HHATL: variants seen among roughly 807,000 people sequenced by gnomAD.
The protein encoded by HHATL is hedgehog acyltransferase like.
Under a neutral mutation model 59.7 loss-of-function variants are expected in HHATL, and 49 were observed. That is an observed-to-expected ratio of 0.82 (90% confidence interval 0.65 to 1.04). HHATL has a LOEUF of 1.04. Among genes scored for constraint, HHATL ranks in the 50% least tolerant of loss-of-function variants. HHATL has a pLI of 0.00. For missense variants in HHATL, 605 were observed against 650.8 expected (o/e 0.93, Z 0.77); for synonymous variants, 238 against 257.3 (o/e 0.93, Z 0.72).
rs1386828853 is a variant in HHATL, at chr3:42,692,853, G to A, written c.1413C>T (p.Ser471=). The change falls in exon 12 of 12, where the codon TCC becomes TCT. Residue 471 remains serine, a synonymous_variant. Transcript: ENST00000441594. ...CGCCACAGTAGGTGACAAACAGGAT[G>A]GACAGCGTGGTCTGGGGGAACCCTG... ...LLTGFPQTTL[S]ILFVTYCGVQ... is the part of the protein sequence containing the mutation. 2 of 1,614,190 alleles carry A rather than the reference G, an allele frequency of 1.2e-6. No homozygotes were observed. Among genetic ancestry groups the A allele is most frequent in the Non-Finnish European group, 8.5e-7 (1 of 1,180,016 alleles).
chr3:42,697,601 T>C lies in HHATL; in HGVS notation c.772A>G (p.Ile258Val), dbSNP rs762988939. Residue 258 changes from isoleucine to valine, a missense_variant, in exon 7 of 12, where the codon ATC (isoleucine) becomes GTC (valine). Physicochemically the swap from Ile to Val is conservative, Grantham distance 29 (BLOSUM62 3). Transcript: ENST00000441594. ...TGAAAGAAGATGTCGACGGCCATGA[T>C]GGCCACCACGCTTAGGCCTGCCTGG... ...RAQAGLSVVA[I>V]MAVDIFFHFF... The C allele has an allele frequency of 1.2e-6, 2 of 1,614,140 alleles. No individual in the cohort carries two copies. Among genetic ancestry groups the C allele is most frequent in the Admixed American group, 1.7e-5 (1 of 60,020 alleles).
At chr3:42,699,892 C>T in intron 2 of HHATL, 67 bp from the exon 3 acceptor site, 1 of 1,355,846 alleles carries the variant, frequency 7.4e-7, no homozygotes, top group Non-Finnish European at 1.0e-6. Flanking sequence ...CCCCCGTGGA[C>T]AAGGCTGCCC....
chr3:42,698,909 G>A lies in HHATL; in HGVS notation c.289-7C>T, dbSNP rs778385970. 14 of 1,604,430 alleles carry A rather than the reference G, an allele frequency of 8.7e-6. No individual in the cohort carries two copies. Among genetic ancestry groups the A allele is most frequent in the Non-Finnish European group, 1.2e-5 (14 of 1,174,248 alleles). On this transcript the variant is annotated splice_region_variant and splice_polypyrimidine_tract_variant and intron_variant, in intron 4 of 11. Transcript: ENST00000441594. ...CATACATCCAGGAGCGGAGCTGTGG[G>A]CAGGGAGAAGGCTTCAGTTTCGCCA...
At chr3:42,699,659 A>C in intron 3 of HHATL, 99 bp downstream of exon 3, 1 of 1,024,440 alleles carries the variant, frequency 9.8e-7, no homozygotes, top group Non-Finnish European at 1.5e-6. Context: ...CAGAGGCCCC[A>C]GAGCTGTGAG....
chr3:42,699,737 C>A, intron 3 of HHATL, 21 bp downstream of exon 3: 1 of 1,568,668 alleles, frequency 6.4e-7, no homozygotes, highest in South Asian at 1.2e-5. Flanking sequence ...TGGGAGGGAC[C>A]CTGGGATGTG....
intron 5 of HHATL, 52 bp downstream of exon 5, chr3:42,698,656 G>C: frequency 6.6e-7 from 1 of 1,505,472 alleles, no homozygotes; most frequent in Non-Finnish European, 8.9e-7. Context: ...TGGATGAAGT[G>C]AGAGGTTTGG....
rs1052695693 is a variant in HHATL at position 42,698,779 on chromosome 3, G to C, written c.412C>G (p.Pro138Ala). 7.4e-6 allele frequency: 12 copies of C among 1,612,404 alleles called. No homozygotes were observed. The highest frequency in any genetic ancestry group is 3.4e-5 in the Admixed American group (2 of 59,634). ...AAGCCAAGGCCAAGACAGAGCCAGG[G>C]CTGGCCCAAAAGCGAGGCCACATAG... ...GLYVASLLGQ[P>A]WLCLGLGLAS... The change falls in exon 5 of 12, where the codon CCC (proline) becomes GCC (alanine). Residue 138 changes from proline (P) to alanine (A), a missense_variant. By Grantham distance (27) the Pro-to-Ala change is conservative. Transcript: ENST00000441594.
chr3:42,695,292 C>T (rs560675325), intron 9 of HHATL, among the ~76,000 whole-genome samples: 32 of 152,316 alleles, frequency 2.1e-4, no homozygotes, highest in African/African-American at 5.8e-4. Context: ...CCTTCACCAC[C>T]GTCCTTAGCA....
At chr3:42,694,645 A>C (rs1407376388) in intron 9 of HHATL, among the ~76,000 whole-genome samples, 1 of 152,134 alleles carries the variant, frequency 6.6e-6, no homozygotes, top group Non-Finnish European at 1.5e-5. Context: ...CCCCCAGTTC[A>C]TCATGCTGGC....
intron 6 of HHATL, 130 bp downstream of exon 6, chr3:42,698,012 C>CG: frequency 1.0e-6 from 1 of 995,030 alleles, no homozygotes; most frequent in Non-Finnish European, 1.5e-6. Flanking sequence ...AGGGGAGACA[C>CG]GGCTTCATCC....
chr3:42,696,337 G>A (rs952395949), intron 9 of HHATL, among the ~76,000 whole-genome samples: 1 of 151,944 alleles, frequency 6.6e-6, no homozygotes, highest in Admixed American at 6.6e-5. Context: ...TCCCTCTCCT[G>A]AGGACTTACC....
At position 42,701,363 on chromosome 3, in the gene HHATL, C is replaced by G. The variant is rs1160275332; in HGVS notation, c.-13-524G>C. On this transcript the variant is annotated intron_variant, in intron 1 of 11. Coordinates refer to ENST00000441594, the MANE Select transcript of HHATL (RefSeq NM_020707.4). The surrounding 1 kb of genome is among the most constrained non-coding windows in gnomAD (Gnocchi z 5.1). ...TCCCATGACCACCCCAGGTGCTGCC[C>G]CTAGAGCCAAGCCTCCATCCTCGCA... 1 of 154,500 alleles carries G rather than the reference C, an allele frequency of 6.5e-6. No individual in the cohort carries two copies. Among genetic ancestry groups the G allele is most frequent in the Non-Finnish European group, 1.4e-5 (1 of 69,554 alleles). The allele number at this position is 154,500 out of a possible 1,614,324, so 9.6% of individuals were successfully genotyped here.
In HHATL at chr3:42,699,805, A is replaced by G; in HGVS notation, c.127T>C (p.Phe43Leu). The G allele has an allele frequency of 1.9e-6, 3 of 1,570,018 alleles. No individual in the cohort carries two copies. The highest frequency in any genetic ancestry group is 2.6e-6 in the Non-Finnish European group (3 of 1,156,804). ...CAGCCAGGTCGCACAGACTCCCGGA[A>G]GGCCTTCCTGTGGGCCCCATCTGAG... is the stretch of plus-strand genomic sequence containing the variant. ...ASQDGAHRKA[F>L]RESVRPGWEY... is the part of the protein sequence containing the mutation. The change falls in exon 3 of 12, where the codon TTC becomes CTC. Residue 43 changes from phenylalanine to leucine, a missense_variant. Phe to Leu is a conservative substitution (Grantham distance 22, BLOSUM62 0). Transcript: ENST00000441594.
chr3:42,693,938 C>T (rs917914893), intron 9 of HHATL, 120 bp from the exon 10 acceptor site: 2 of 790,486 alleles, frequency 2.5e-6, no homozygotes, highest in Admixed American at 4.2e-5. Flanking sequence ...TTCAACATTC[C>T]TGACCTCACG....
At position 42,697,520 on chromosome 3, in the gene HHATL, C is replaced by A. The variant is rs1417610055; in HGVS notation, c.853G>T (p.Asp285Tyr). ...SDLKFANRLP[D>Y]SALAGLAYSN... is the part of the protein sequence containing the mutation. ...TCTGTGGACCCACCGAGGGCACTGT[C>A]TGGGAGGCGGTTGGCGAACTTGAGG... The change falls in exon 7 of 12, where the codon GAC becomes TAC. Residue 285 changes from aspartate to tyrosine, a missense_variant. Transcript: ENST00000441594. 3.1e-6 allele frequency: 5 copies of A among 1,613,734 alleles called. No individual in the cohort carries two copies. In the African/African-American group the frequency reaches 5.3e-5, roughly 17 times the overall value.
rs1386519777 is a variant in HHATL, at chr3:42,698,771, G to A, written c.420C>T (p.Leu140=). The change falls in exon 5 of 12, where the codon CTC becomes CTT. Residue 140 remains leucine (L), a synonymous_variant. Transcript: ENST00000441594. ...YVASLLGQPW[L]CLGLGLASLA... ...GGCTGGCCAAGCCAAGGCCAAGACA[G>A]AGCCAGGGCTGGCCCAAAAGCGAGG... 2.5e-6 allele frequency: 4 copies of A among 1,610,958 alleles called. No individual in the cohort carries two copies.
chr3:42,699,820 C>G lies in HHATL; in HGVS notation c.112G>C (p.Ala38Pro). The stretch of plus-strand genomic sequence containing the variant: ...GACTCCCGGAAGGCCTTCCTGTGGG[C>G]CCCATCTGAGAACAGAGTGTGGCCT... ...RGLLEASQDG[A>P]HRKAFRESVR... The change falls in exon 3 of 12, where the codon GCC becomes CCC. Residue 38 changes from alanine (A) to proline (P), a missense_variant. By Grantham distance (27) the Ala-to-Pro change is conservative (BLOSUM62 -1). Transcript: ENST00000441594. The G allele has an allele frequency of 6.4e-7, 1 of 1,562,080 alleles. No individual in the cohort carries two copies. The highest frequency in any genetic ancestry group is 8.7e-7 in the Non-Finnish European group (1 of 1,152,428).
At chr3:42,696,415 C>T (rs1375068889) in intron 9 of HHATL, among the ~76,000 whole-genome samples, 1 of 152,144 alleles carries the variant, frequency 6.6e-6, no homozygotes, top group African/African-American at 2.4e-5. Flanking sequence ...TCCTCTGGAC[C>T]CTCAGAAACC....
At chr3:42,694,323 T>C in intron 9 of HHATL, 1 of 164,500 alleles carries the variant, frequency 6.1e-6, no homozygotes, top group Non-Finnish European at 1.3e-5. Context: ...TGTTGGCTCC[T>C]CTCAGTCCTG....
Sources: gnomAD v4.1 joint callset for allele counts (sites outside exome capture counted in the v4.1 genomes callset) on GRCh38, gnomAD v4.1.1 for gene constraint, Gnocchi (gnomAD v3.1) non-coding constraint, MANE v1.5 for transcripts, NCBI Gene and HGNC (gene_info 2026-07-23, HGNC 2026-07-21) for gene names.